Variants in STXBP4 observed in about 807,000 individuals in gnomAD.
STXBP4 encodes the protein syntaxin-binding protein 4.
A neutral mutation model predicts 76.1 loss-of-function variants in STXBP4; 55 were observed. The observed-to-expected ratio is 0.72, with a 90% CI of 0.58 to 0.91. The LOEUF (loss-of-function observed/expected upper bound fraction) is 0.91, where lower values mean the gene tolerates loss of function less well. Among genes scored for constraint, STXBP4 ranks in the 40% least tolerant of loss-of-function variants. STXBP4 has a pLI of 0.00. For synonymous variants in STXBP4, 201 were observed against 220.2 expected (o/e 0.91, Z 0.77); for missense variants, 618 against 636.9 (o/e 0.97, Z 0.32).
At chr17:55,149,009 A>C (rs2080186582) in intron 17 of STXBP4, among the ~76,000 whole-genome samples, 1 of 152,204 alleles carries the variant, frequency 6.6e-6, no homozygotes, top group East Asian at 1.9e-4. Context: ...AGATAAGGAG[A>C]ATATGTGTAG....
intron 12 of STXBP4, among the ~76,000 whole-genome samples, chr17:55,069,153 CA>C (rs991465831): frequency 0.1 from 7,701 of 75,814 alleles, 218 homozygotes; most frequent in Admixed American, 0.23. Context: ...TCAGTGTTGC[CA>C]AAAAAAAAAA....
At chr17:55,088,555 C>A (rs1292492670) in intron 16 of STXBP4, among the ~76,000 whole-genome samples, 1 of 152,110 alleles carries the variant, frequency 6.6e-6, no homozygotes, top group African/African-American at 2.4e-5. Context: ...TGCCACCACA[C>A]CTGGCTAATT....
In STXBP4 at chr17:55,163,586, C is replaced by A. The variant is rs551407887; in HGVS notation, c.*3675C>A. The stretch of plus-strand genomic sequence containing the variant: ...AACCAGTTCAACTCAGCAAACACTT[C>A]CTGAGCACCTGCTACATGCCAGGCA... On this transcript the variant is annotated 3_prime_UTR_variant, in exon 18 of 18. Coordinates refer to ENST00000376352, the MANE Select transcript of STXBP4 (RefSeq NM_178509.6). 2.2e-4 allele frequency: 33 copies of A among 152,278 alleles called. 1 individual carries two copies. The highest frequency in any genetic ancestry group is 1.5e-3 in the Admixed American group (23 of 15,302). 9.4% of individuals were successfully genotyped at this position (152,278 alleles called of 1,614,324 possible).
intron 2 of STXBP4, among the ~76,000 whole-genome samples, chr17:54,985,921 T>C (rs1022814886): frequency 4.6e-5 from 7 of 152,212 alleles, no homozygotes; most frequent in African/African-American, 1.7e-4. Flanking sequence ...CATAATGATA[T>C]AGACATAGAC....
chr17:55,030,450 A>G (rs1001828321), intron 8 of STXBP4, among the ~76,000 whole-genome samples: 1 of 152,116 alleles, frequency 6.6e-6, no homozygotes, highest in Non-Finnish European at 1.5e-5. Context: ...GCTAGTACCT[A>G]GTTAGTTACA....
intron 12 of STXBP4, 98 bp downstream of exon 12, chr17:55,047,252 T>G: frequency 1.5e-6 from 1 of 675,516 alleles, no homozygotes. Context: ...GCAGTGGTTC[T>G]TTACAATATC....
intron 8 of STXBP4, among the ~76,000 whole-genome samples, chr17:55,014,852 G>A (rs149110922): frequency 0.014 from 2,187 of 152,136 alleles, 45 homozygotes; most frequent in African/African-American, 0.04. Context: ...AATTTGCCCA[G>A]CTTTTCCCTT....
At chr17:55,003,320 G>T (rs1331402327) in intron 7 of STXBP4, among the ~76,000 whole-genome samples, 2 of 152,060 alleles carry the variant, frequency 1.3e-5, no homozygotes, top group Non-Finnish European at 2.9e-5. Flanking sequence ...ATAGGTTAGT[G>T]AAAAATATAT....
At chr17:55,110,176 C>A (rs1485814313) in intron 16 of STXBP4, among the ~76,000 whole-genome samples, 1 of 152,040 alleles carries the variant, frequency 6.6e-6, no homozygotes. Context: ...TCTCATATCA[C>A]ATCACTCTGA....
At chr17:55,061,112 A>C (rs76999101) in intron 12 of STXBP4, among the ~76,000 whole-genome samples, 3 of 152,206 alleles carry the variant, frequency 2.0e-5, no homozygotes, top group Non-Finnish European at 4.4e-5. Context: ...GGTCAAATCA[A>C]CACAGGATTC....
At chr17:55,110,849 C>G (rs1484601510) in intron 16 of STXBP4, among the ~76,000 whole-genome samples, 1 of 152,090 alleles carries the variant, frequency 6.6e-6, no homozygotes, top group Non-Finnish European at 1.5e-5. Flanking sequence ...TAAGTCAGGA[C>G]TTGGTTATAG....
At chr17:55,085,145 G>A (rs2079308585) in intron 16 of STXBP4, among the ~76,000 whole-genome samples, 1 of 151,852 alleles carries the variant, frequency 6.6e-6, no homozygotes, top group South Asian at 2.1e-4. Flanking sequence ...ACTCATAGGT[G>A]GGAATTGAAC....
chr17:55,032,015 A>G (rs1370048674), intron 9 of STXBP4, among the ~76,000 whole-genome samples: 2 of 152,196 alleles, frequency 1.3e-5, no homozygotes, highest in Non-Finnish European at 2.9e-5. Context: ...ATCTGTATTT[A>G]TCAACATTAT....
chr17:55,182,745 G>A, the STXBP4 span, among the ~76,000 whole-genome samples: 1 of 151,752 alleles, frequency 6.6e-6, no homozygotes, highest in Non-Finnish European at 1.5e-5. Context: ...CATGTCAACA[G>A]AAATAATAAG....
At chr17:55,134,798 A>G (rs748624597) in intron 16 of STXBP4, among the ~76,000 whole-genome samples, 2 of 152,130 alleles carry the variant, frequency 1.3e-5, no homozygotes, top group Non-Finnish European at 2.9e-5. Context: ...AGTCCGTTGT[A>G]TATTACTGCT....
chr17:55,128,556 A>G (rs2628321), intron 16 of STXBP4, among the ~76,000 whole-genome samples: 49,747 of 152,118 alleles, frequency 0.33, 8,453 homozygotes, highest in African/African-American at 0.43. Context: ...TTTTTAAAAT[A>G]TAGTCGATAA....
chr17:55,032,556 A>G (rs1342855136), intron 9 of STXBP4, among the ~76,000 whole-genome samples: 3 of 152,170 alleles, frequency 2.0e-5, no homozygotes, highest in Non-Finnish European at 1.5e-5. Flanking sequence ...GGATATTAAA[A>G]CAGGATTGTT....
intron 8 of STXBP4, among the ~76,000 whole-genome samples, chr17:55,008,550 A>G (rs190097198): frequency 1.3e-5 from 2 of 152,324 alleles, no homozygotes; most frequent in African/African-American, 2.4e-5. Context: ...TTTACCTGAC[A>G]TGAGAACCTT....
intron 16 of STXBP4, among the ~76,000 whole-genome samples, chr17:55,091,417 T>C (rs1435704586): frequency 1.3e-5 from 2 of 152,180 alleles, no homozygotes; most frequent in Non-Finnish European, 1.5e-5. Flanking sequence ...GCATTTCTTA[T>C]ACAGATTGAA....
Sources: gnomAD v4.1 joint callset for allele counts (sites outside exome capture counted in the v4.1 genomes callset) on GRCh38, gnomAD v4.1.1 for gene constraint, MANE v1.5 for transcripts, NCBI Gene and HGNC (gene_info 2026-07-23, HGNC 2026-07-21) for gene names.